RAB28: variants seen among roughly 807,000 people sequenced by gnomAD.
RAB28 encodes the protein ras-related protein Rab-28.
In RAB28, 24 loss-of-function variants were observed where a neutral mutation model predicts 31.7. The observed-to-expected ratio is 0.76, with a 90% CI of 0.55 to 1.06. The LOEUF is 1.06. Ranked by LOEUF, RAB28 falls within the 50% of genes least tolerant of loss-of-function variation. The pLI is 0.00. For synonymous variants in RAB28, 100 were observed against 90.4 expected, an observed-to-expected ratio of 1.11 and a Z score of -0.60; for missense variants, 254 against 258.5, an observed-to-expected ratio of 0.98 and a Z score of 0.12.
chr4:13,408,165 T>C (rs1183683749), intron 4 of RAB28, among the ~76,000 whole-genome samples: 1 of 152,186 alleles, frequency 6.6e-6, no homozygotes, highest in Non-Finnish European at 1.5e-5. Flanking sequence ...AAATAGCTCT[T>C]ATTATTTTGA....
At chr4:13,416,020 C>G (rs1174812965) in intron 4 of RAB28, among the ~76,000 whole-genome samples, 2 of 152,200 alleles carry the variant, frequency 1.3e-5, no homozygotes, top group East Asian at 1.9e-4. Flanking sequence ...CTGTTAGGGA[C>G]TTGGAGAACC....
intron 4 of RAB28, among the ~76,000 whole-genome samples, chr4:13,428,397 G>T (rs1225197659): frequency 1.3e-5 from 2 of 152,156 alleles, no homozygotes; most frequent in Non-Finnish European, 2.9e-5. Context: ...AGTATAAAAT[G>T]TTCAAGACTC....
chr4:13,419,511 C>A (rs575327871), intron 4 of RAB28, among the ~76,000 whole-genome samples: 4 of 152,290 alleles, frequency 2.6e-5, no homozygotes, highest in African/African-American at 9.6e-5. Flanking sequence ...TAAAGCACTC[C>A]TCAGCAAATG....
intron 3 of RAB28, chr4:13,474,054 T>G (rs1050217413): frequency 1.8e-6 from 1 of 567,016 alleles, no homozygotes; most frequent in Non-Finnish European, 3.3e-6. Context: ...ACTGCATTTA[T>G]TGAACTGCTA....
At chr4:13,396,376 T>C (rs940198369) in intron 4 of RAB28, among the ~76,000 whole-genome samples, 6 of 152,060 alleles carry the variant, frequency 3.9e-5, no homozygotes, top group African/African-American at 1.4e-4. Context: ...CAGATTGTTA[T>C]TAGTTGAAGA....
chr4:13,416,985 A>G (rs943956439), intron 4 of RAB28, among the ~76,000 whole-genome samples: 6 of 152,212 alleles, frequency 3.9e-5, no homozygotes, highest in Admixed American at 2.0e-4. Flanking sequence ...TTTCCTAGCC[A>G]AGGAAGCCAT....
At chr4:13,377,087 T>C (rs1040978468) in intron 5 of RAB28, among the ~76,000 whole-genome samples, 3 of 152,210 alleles carry the variant, frequency 2.0e-5, no homozygotes, top group Admixed American at 6.5e-5. Flanking sequence ...TCTCTGTGCC[T>C]TTCATATCAT....
At chr4:13,421,973 A>C (rs1232515893) in intron 4 of RAB28, among the ~76,000 whole-genome samples, 1 of 152,150 alleles carries the variant, frequency 6.6e-6, no homozygotes, top group East Asian at 1.9e-4. Flanking sequence ...CAACCTACAG[A>C]ATGAGAGAAC....
At chr4:13,427,929 C>G (rs930616666) in intron 4 of RAB28, among the ~76,000 whole-genome samples, 2 of 152,154 alleles carry the variant, frequency 1.3e-5, no homozygotes, top group African/African-American at 4.8e-5. Context: ...GCAAGACTCA[C>G]GTCTCCAAAA....
intron 4 of RAB28, among the ~76,000 whole-genome samples, chr4:13,442,364 G>A (rs1463363617): frequency 2.7e-5 from 4 of 150,260 alleles, no homozygotes; most frequent in Admixed American, 6.6e-5. Context: ...TATTACACAC[G>A]TGTCTGCATA....
At chr4:13,439,095 A>G (rs1260526201) in intron 4 of RAB28, among the ~76,000 whole-genome samples, 1 of 152,158 alleles carries the variant, frequency 6.6e-6, no homozygotes, top group Admixed American at 6.5e-5. Flanking sequence ...TGTATGTTCA[A>G]ATCTGCTGTC....
intron 4 of RAB28, among the ~76,000 whole-genome samples, chr4:13,395,731 G>C (rs1577170993): frequency 6.6e-6 from 1 of 152,006 alleles, no homozygotes; most frequent in Non-Finnish European, 1.5e-5. Flanking sequence ...ATTTGTATCA[G>C]CTCTGTACAT....
intron 3 of RAB28, among the ~76,000 whole-genome samples, chr4:13,467,603 A>T (rs770158048): frequency 2.0e-5 from 3 of 151,974 alleles, no homozygotes; most frequent in Non-Finnish European, 4.4e-5. Flanking sequence ...AAATTTAGTT[A>T]AAAATGTATA....
At chr4:13,473,619 C>G in intron 3 of RAB28, among the ~76,000 whole-genome samples, 1 of 151,736 alleles carries the variant, frequency 6.6e-6, no homozygotes, top group East Asian at 1.9e-4. Context: ...TATATTACTA[C>G]CCTGCATATT....
intron 4 of RAB28, among the ~76,000 whole-genome samples, chr4:13,413,368 T>G (rs1056188874): frequency 2.6e-5 from 4 of 152,324 alleles, no homozygotes; most frequent in African/African-American, 9.6e-5. Flanking sequence ...CTGAAGGAAA[T>G]AAAGTGTGGC....
intron 3 of RAB28, among the ~76,000 whole-genome samples, chr4:13,463,526 C>A (rs1333171033): frequency 1.3e-5 from 2 of 152,114 alleles, no homozygotes; most frequent in African/African-American, 4.8e-5. Context: ...ACAACAGAGA[C>A]AACATGGCCT....
chr4:13,462,289 G>A (rs1226317725), intron 3 of RAB28, among the ~76,000 whole-genome samples: 1 of 152,120 alleles, frequency 6.6e-6, no homozygotes, highest in Admixed American at 6.6e-5. Flanking sequence ...CTATCAATGT[G>A]ATACCACTGA....
chr4:13,449,472 C>T (rs1445983385), intron 4 of RAB28, among the ~76,000 whole-genome samples: 1 of 151,862 alleles, frequency 6.6e-6, no homozygotes, highest in Non-Finnish European at 1.5e-5. Context: ...ACTTATTTTA[C>T]TAATACATTT....
At chr4:13,402,356 T>G (rs1373387478) in intron 4 of RAB28, among the ~76,000 whole-genome samples, 2 of 152,224 alleles carry the variant, frequency 1.3e-5, no homozygotes, top group Admixed American at 1.3e-4. Flanking sequence ...ATTGTTGAAA[T>G]CTCAGATTCA....
Sources: gnomAD v4.1 joint callset for allele counts (sites outside exome capture counted in the v4.1 genomes callset) on GRCh38, gnomAD v4.1.1 for gene constraint, MANE v1.5 for transcripts, NCBI Gene and HGNC (gene_info 2026-07-23, HGNC 2026-07-21) for gene names.